Variants in AKAP13 observed in about 807,000 individuals in gnomAD.
AKAP13 encodes the protein A-kinase anchoring protein 13, also known as A-kinase anchor protein 13.
A neutral mutation model predicts 264.5 loss-of-function variants in AKAP13; 80 were observed. The ratio of observed to expected loss-of-function variants is 0.30; its 90% CI spans 0.25 to 0.36. The LOEUF is 0.36. Among genes scored for constraint, AKAP13 ranks in the 10% least tolerant of loss-of-function variants. The pLI, the probability that AKAP13 is intolerant of heterozygous loss-of-function variation, is 1.00. For missense variants in AKAP13, 3,712 were observed against 3,435.2 expected, an observed-to-expected ratio of 1.08 and a Z score of -2.01; for synonymous variants, 1,380 against 1,250.2, an observed-to-expected ratio of 1.10 and a Z score of -2.19.
At position 85,580,171 on chromosome 15, in the gene AKAP13, A is replaced by G. The variant is rs765381099; in HGVS notation, c.2103A>G (p.Gln701=). The change falls in exon 7 of 37, where the codon CAA becomes CAG. Residue 701 remains glutamine, a synonymous_variant. Transcript: ENST00000394518. ...ESTTARQPSS[Q]DPPDASHCED... is the part of the protein sequence containing the mutation. ...CCACAGCAAGGCAACCCAGCTCACAAGATCCACCCGATGCCTCCCACTGTG... is the reference window on the plus strand; with the variant it reads ...CCACAGCAAGGCAACCCAGCTCACAGGATCCACCCGATGCCTCCCACTGTG... 6.2e-7 allele frequency: 1 copy of G among 1,614,224 alleles called. No homozygotes were observed. Among genetic ancestry groups the G allele is most frequent in the Non-Finnish European group, 8.5e-7 (1 of 1,180,022 alleles).
At chr15:85,619,181 G>A (rs559414272) in intron 8 of AKAP13, among the ~76,000 whole-genome samples, 4 of 152,114 alleles carry the variant, frequency 2.6e-5, no homozygotes, top group African/African-American at 9.6e-5. Flanking sequence ...AGAAGAAGCG[G>A]GTTGGAAAAG....
intron 2 of AKAP13, among the ~76,000 whole-genome samples, chr15:85,517,360 T>TC (rs1555438241): frequency 4.9e-4 from 74 of 150,982 alleles, no homozygotes; most frequent in Middle Eastern, 3.4e-3. Flanking sequence ...CTTTTTTTTT[T>TC]CCCCCCATCA....
rs112480490 is a variant in AKAP13 at position 85,516,930 on chromosome 15, A to G, written c.34-4498A>G. Reference sequence around the variant, plus strand: ...TGGAGAATAGTATGTTGTGGTAAATAATTAGAAAGTGATAAGTTTTGAGTA... The same window carrying G: ...TGGAGAATAGTATGTTGTGGTAAATGATTAGAAAGTGATAAGTTTTGAGTA... On this transcript the variant is annotated intron_variant, in intron 2 of 36. Transcript: ENST00000394518. Among the ~76,000 whole-genome samples, 15 of 152,322 alleles carry G rather than the reference A, an allele frequency of 9.8e-5. No homozygotes were observed. In the Middle Eastern group the frequency reaches 0.017, roughly 173 times the overall value.
intron 14 of AKAP13, among the ~76,000 whole-genome samples, chr15:85,672,816 G>T (rs565476153): frequency 6.6e-6 from 1 of 152,330 alleles, no homozygotes; most frequent in Admixed American, 6.5e-5. Context: ...TCATTGTGGA[G>T]TGTGATTGTT....
At chr15:85,648,109 A>G (rs1187173266) in intron 10 of AKAP13, among the ~76,000 whole-genome samples, 1 of 152,204 alleles carries the variant, frequency 6.6e-6, no homozygotes. Flanking sequence ...GTTCCCCGCA[A>G]GGGGAATACC....
chr15:85,396,891 G>A (rs11855218), intron 1 of AKAP13, among the ~76,000 whole-genome samples: 27,793 of 143,694 alleles, frequency 0.19, 3,406 homozygotes, highest in African/African-American at 0.33. Flanking sequence ...GAGTCCTCTC[G>A]TATGTTAGAC....
At chr15:85,621,798 G>A (rs546039404) in intron 8 of AKAP13, among the ~76,000 whole-genome samples, 53 of 152,024 alleles carry the variant, frequency 3.5e-4, no homozygotes, top group African/African-American at 1.3e-3. Context: ...CATGGTAAGG[G>A]GTATGAAGAA....
Position 85,389,787 on chromosome 15 carries a change from G to T in AKAP13, c.-12+8989G>T, listed in dbSNP as rs2070761547. The T allele has an allele frequency of 2.6e-5, 4 of 152,216 alleles. No individual in the cohort carries two copies. The South Asian group carries it at 8.3e-4, about 32-fold the overall frequency. 9.4% of individuals were successfully genotyped at this position (152,216 alleles called of 1,614,324 possible). A position where few individuals can be genotyped will look rare whatever the true frequency, so the allele number is the denominator to read the frequency against. On this transcript the variant is annotated intron_variant, in intron 1 of 36. Coordinates refer to ENST00000394518, the MANE Select transcript of AKAP13 (RefSeq NM_007200.5). Reference sequence around the variant, plus strand: ...CTATGGTGATGAACAGAAAGAGAAGGATCACTATAATCTATTATTTTCTGT... The same window carrying T: ...CTATGGTGATGAACAGAAAGAGAAGTATCACTATAATCTATTATTTTCTGT...
chr15:85,717,248 T>C, intron 20 of AKAP13, 42 bp from the exon 21 acceptor site: 2 of 1,313,102 alleles, frequency 1.5e-6, no homozygotes, highest in South Asian at 1.2e-5. Flanking sequence ...CCATAGGTTA[T>C]CAGAATGTAT....
At chr15:85,543,998 C>A in intron 5 of AKAP13, 43 bp downstream of exon 5, 2 of 1,604,750 alleles carry the variant, frequency 1.2e-6, no homozygotes, top group East Asian at 2.2e-5. Flanking sequence ...TCATCCCCAG[C>A]CCCACCCCCG....
chr15:85,522,108 C>T (rs1317372072), intron 3 of AKAP13, among the ~76,000 whole-genome samples: 2 of 152,254 alleles, frequency 1.3e-5, no homozygotes, highest in East Asian at 3.9e-4. Context: ...TGCTCTCTAG[C>T]AGGTACCATC....
chr15:85,691,743 G>A, intron 16 of AKAP13: 2 of 455,336 alleles, frequency 4.4e-6, no homozygotes, highest in Non-Finnish European at 8.8e-6. Context: ...GGCCTGCTCA[G>A]TAAGTAGAAG....
Position 85,580,701 on chromosome 15 carries a change from C to T in AKAP13, c.2633C>T (p.Pro878Leu), listed in dbSNP as rs114075066. 194 of 1,614,166 alleles carry T rather than the reference C, an allele frequency of 1.2e-4. 3 individuals carry two copies. The East Asian group carries it at 4.2e-3, about 35-fold the overall frequency. The change falls in exon 7 of 37, where the codon CCA (proline) becomes CTA (leucine). Residue 878 changes from proline (P) to leucine (L), a missense_variant. Pro to Leu is a moderately conservative substitution (Grantham distance 98). Transcript: ENST00000394518. ...LGGEHEGPAP[P>L]AIPEALNIKG... is the part of the protein sequence containing the mutation. ...GGAGAGCATGAGGGTCCCGCCCCTC[C>T]AGCAATCCCAGAAGCTCTGAATATC...
intron 1 of AKAP13, among the ~76,000 whole-genome samples, chr15:85,409,737 T>C (rs1040343767): frequency 4.6e-5 from 7 of 150,828 alleles, no homozygotes; most frequent in African/African-American, 1.7e-4. Flanking sequence ...TACACGCCAT[T>C]CTCCTGCGTC....
At chr15:85,726,851 C>A (rs920256209) in intron 27 of AKAP13, 2 of 586,176 alleles carry the variant, frequency 3.4e-6, no homozygotes, top group Non-Finnish European at 5.9e-6. Flanking sequence ...ATGACTGGAA[C>A]CTTTAGAGCC....
intron 1 of AKAP13, among the ~76,000 whole-genome samples, chr15:85,405,436 G>A (rs1323152471): frequency 6.6e-6 from 1 of 152,222 alleles, no homozygotes. Flanking sequence ...GACCGGGTAA[G>A]TTATTTGAAT....
At position 85,581,345 on chromosome 15, in the gene AKAP13, G is replaced by A; in HGVS notation, c.3277G>A (p.Gly1093Arg). The A allele has an allele frequency of 6.2e-7, 1 of 1,614,204 alleles. No individual in the cohort carries two copies. The highest frequency in any genetic ancestry group is 1.1e-5 in the South Asian group (1 of 91,088). Residue 1093 changes from glycine to arginine, a missense_variant, in exon 7 of 37, where the codon GGG becomes AGG. Gly to Arg is a moderately radical substitution (Grantham distance 125). Transcript: ENST00000394518. ...VSGDVTVDVT[G>R]VNALQGMAEP... Reference sequence around the variant, plus strand: ...TGGAGATGTGACGGTGGATGTTACAGGGGTTAATGCTCTACAAGGTATGGC... The same window carrying A: ...TGGAGATGTGACGGTGGATGTTACAAGGGTTAATGCTCTACAAGGTATGGC...
rs547829118 is a variant in AKAP13 at position 85,602,731 on chromosome 15, GC to G, written c.4161+16911del. 1.6e-4 allele frequency among the ~76,000 whole-genome samples: 24 copies of G among 151,954 alleles called. No individual in the cohort carries two copies. In the South Asian group the frequency reaches 4.8e-3, roughly 30 times the overall value. On this transcript the variant is annotated intron_variant, in intron 8 of 36. Transcript: ENST00000394518. ...TCTTGAACTCCTGACCTAGTGATCC[GC>G]CCGCCTCAGCTTCCCAAAGTGCTGG...
chr15:85,418,237 G>A (rs2072338714), intron 1 of AKAP13, among the ~76,000 whole-genome samples: 1 of 151,912 alleles, frequency 6.6e-6, no homozygotes, highest in Admixed American at 6.6e-5. Flanking sequence ...CACCATGCCT[G>A]TCTAATTATT....
Sources: gnomAD v4.1 joint callset for allele counts (sites outside exome capture counted in the v4.1 genomes callset) on GRCh38, gnomAD v4.1.1 for gene constraint, MANE v1.5 for transcripts, NCBI Gene and HGNC (gene_info 2026-07-23, HGNC 2026-07-21) for gene names.